MYO15A: variants seen among roughly 807,000 people sequenced by gnomAD.
MYO15A encodes the protein myosin XVA.
MYO15A carries 308 observed loss-of-function variants against 394.6 expected under a neutral mutation model. The ratio of observed to expected loss-of-function variants is 0.78; its 90% CI spans 0.71 to 0.86. The LOEUF (loss-of-function observed/expected upper bound fraction) is 0.86. MYO15A is among the 40% of genes least tolerant of loss of function. The pLI is 0.00. For synonymous variants in MYO15A, 1,957 were observed against 2,003.8 expected (o/e 0.98, Z 0.62); for missense variants, 4,606 against 4,799.1 (o/e 0.96, Z 1.19).
Position 18,120,994 on chromosome 17 carries a change from C to G in MYO15A, c.2194C>G (p.Pro732Ala). The G allele has an allele frequency of 6.7e-7, 1 of 1,503,698 alleles. No individual in the cohort carries two copies. The highest frequency in any genetic ancestry group is 8.8e-7 in the Non-Finnish European group (1 of 1,131,390). 93.1% of individuals were successfully genotyped at this position (1,503,698 alleles called of 1,614,324 possible). ...VEPPAVSPEV[P>A]PDLLAFPGPR... ...GCCCCCTGCCGTGAGCCCGGAGGTGCCCCCCGACCTACTAGCCTTCCCAGG... is the reference window on the plus strand; with the variant it reads ...GCCCCCTGCCGTGAGCCCGGAGGTGGCCCCCGACCTACTAGCCTTCCCAGG... The change falls in exon 2 of 66, where the codon CCC becomes GCC. Residue 732 changes from proline (P) to alanine (A), a missense_variant. Pro to Ala is a conservative substitution (Grantham distance 27, BLOSUM62 -1). Around this residue, in one of 2 missense-constraint regions of MYO15A, gnomAD observed 1,830 missense variants for 1,689.7 expected, o/e 1.08. Coordinates refer to ENST00000647165, the MANE Select transcript of MYO15A (RefSeq NM_016239.4).
Position 18,126,448 on chromosome 17 carries a change from G to C in MYO15A, c.3858G>C (p.Glu1286Asp), listed in dbSNP as rs779724124. 3 of 1,613,832 alleles carry C rather than the reference G, an allele frequency of 1.9e-6. No homozygotes were observed. Among genetic ancestry groups the C allele is most frequent in the Non-Finnish European group, 2.5e-6 (3 of 1,179,962 alleles). ...VQQYNGRALG[E>D]NPPHLFAVAN... is the part of the protein sequence containing the mutation. The stretch of plus-strand genomic sequence containing the variant: ...AGTACAACGGACGGGCCCTGGGAGA[G>C]AATCCCCCGTGAGTGTCTCGGGGGC... Residue 1286 changes from glutamate to aspartate, a missense_variant, in exon 5 of 66, where the codon GAG becomes GAC. By Grantham distance (45) the Glu-to-Asp change is conservative (BLOSUM62 2). Around this residue, in one of 2 missense-constraint regions of MYO15A, gnomAD observed 2,776 missense variants for 3,109.3 expected, o/e 0.89. Coordinates refer to ENST00000647165, the MANE Select transcript of MYO15A (RefSeq NM_016239.4).
In MYO15A at chr17:18,144,520, A is replaced by G; in HGVS notation, c.6201A>G (p.Thr2067=). 6.2e-7 allele frequency: 1 copy of G among 1,613,438 alleles called. No individual in the cohort carries two copies. ...AGGAACCTGCCTTTGGGATGCTGAC[A>G]GTGCCCCTGAGGACACCCCTCACGC... is the stretch of plus-strand genomic sequence containing the variant. ...HFKEPAFGML[T]VPLRTPLTQL... The change falls in exon 29 of 66, where the codon ACA becomes ACG. Residue 2067 remains threonine (T), a synonymous_variant. Coordinates refer to ENST00000647165, the MANE Select transcript of MYO15A (RefSeq NM_016239.4).
rs1482709090 is a variant in MYO15A at position 18,148,961 on chromosome 17, C to G, written c.6956+9C>G. 2 of 1,579,894 alleles carry G rather than the reference C, an allele frequency of 1.3e-6. No homozygotes were observed. Among genetic ancestry groups the G allele is most frequent in the East Asian group, 4.6e-5 (2 of 43,476 alleles). On this transcript the variant is annotated intron_variant, in intron 33 of 65. Transcript: ENST00000647165. The surrounding 1 kb of genome is among the most constrained non-coding windows in gnomAD (Gnocchi z 4.8). The stretch of plus-strand genomic sequence containing the variant: ...AGGGGAGGCCCCAAAGTGTAGGTAG[C>G]TATGGGGGACCCCCTCACAGATGGC...
rs555307333 is a variant in MYO15A, at chr17:18,166,528, A to T, written c.9948+7A>T. The T allele has an allele frequency of 6.2e-7, 1 of 1,612,060 alleles. No individual in the cohort carries two copies. Among genetic ancestry groups the T allele is most frequent in the Non-Finnish European group, 8.5e-7 (1 of 1,180,012 alleles). On this transcript the variant is annotated splice_region_variant and intron_variant, in intron 61 of 65. Coordinates refer to ENST00000647165, the MANE Select transcript of MYO15A (RefSeq NM_016239.4). ...GACCATGCACTACAACCAGGTCAGC[A>T]CACGTAGGCTTCTCTGGACTCTGGG...
intron 1 of MYO15A, among the ~76,000 whole-genome samples, chr17:18,114,241 CTTTTTTTT>C (rs10583154): frequency 1.4e-3 from 76 of 55,600 alleles, no homozygotes; most frequent in Admixed American, 2.7e-3. Context: ...ACAGTCCTGT[CTTTTTTTT>C]TTTTTTTTTT....
In MYO15A at chr17:18,155,117, C is replaced by G; in HGVS notation, c.8232C>G (p.Asn2744Lys). The change falls in exon 46 of 66, where the codon AAC (asparagine) becomes AAG (lysine). Residue 2744 changes from asparagine (N) to lysine (K), a missense_variant. This residue lies in a region of MYO15A where 2,776 missense variants were observed against 3,109.3 expected (regional missense o/e 0.89). Transcript: ENST00000647165. ...AGACCTGGCCTCCCATAGCCCAGAACCAGCTGGACACACAGAAGCCTCTGG... is the reference window on the plus strand; with the variant it reads ...AGACCTGGCCTCCCATAGCCCAGAAGCAGCTGGACACACAGAAGCCTCTGG... ...RLRMKALFAQ[N>K]QLDTQKPLVT... is the part of the protein sequence containing the mutation. 6.2e-7 allele frequency: 1 copy of G among 1,613,414 alleles called. No individual in the cohort carries two copies. Among genetic ancestry groups the G allele is most frequent in the Non-Finnish European group, 8.5e-7 (1 of 1,179,796 alleles).
chr17:18,144,417 C>G, intron 28 of MYO15A, 80 bp from the exon 29 acceptor site: 1 of 1,304,806 alleles, frequency 7.7e-7, no homozygotes, highest in Non-Finnish European at 1.1e-6. Flanking sequence ...GCCTTGGAGC[C>G]CCATGTGGCA....
chr17:18,120,418 C>A lies in MYO15A; in HGVS notation c.1618C>A (p.Arg540Ser). ...CTGGGGCTTCCTCACGCCGCGCCAG[C>A]GCAACCTCCAGCGCGCGCTGTCGGC... Reference protein sequence around the residue: ...PFWGFLTPRQRNLQRALSAFG... With the variant: ...PFWGFLTPRQSNLQRALSAFG... Residue 540 changes from arginine (R) to serine (S), a missense_variant, in exon 2 of 66, where the codon CGC (arginine) becomes AGC (serine). Around this residue, in one of 2 missense-constraint regions of MYO15A, gnomAD observed 1,830 missense variants for 1,689.7 expected, o/e 1.08. Coordinates refer to ENST00000647165, the MANE Select transcript of MYO15A (RefSeq NM_016239.4). 1 of 1,601,656 alleles carries A rather than the reference C, an allele frequency of 6.2e-7. No individual in the cohort carries two copies. Among genetic ancestry groups the A allele is most frequent in the Non-Finnish European group, 8.5e-7 (1 of 1,175,636 alleles).
rs1368423304 is a variant in MYO15A at position 18,137,588 on chromosome 17, T to C, written c.4784T>C (p.Leu1595Pro). The change falls in exon 16 of 66, where the codon CTG becomes CCG. Residue 1595 changes from leucine to proline, a missense_variant. By Grantham distance (98) the Leu-to-Pro change is moderately conservative. Transcript: ENST00000647165. ...GCACCCCCATCCACCTGGCAGGACC[T>C]GAGCTTCAACAGCTTTGAGCAGCTG... Reference protein sequence around the residue: ...AILDIYGFEDLSFNSFEQLCI... With the variant: ...AILDIYGFEDPSFNSFEQLCI... The C allele has an allele frequency of 6.2e-7, 1 of 1,613,624 alleles. No individual in the cohort carries two copies. The highest frequency in any genetic ancestry group is 8.5e-7 in the Non-Finnish European group (1 of 1,179,926).
Position 18,148,306 on chromosome 17 carries a change from G to A in MYO15A, c.6691+96G>A. On this transcript the variant is annotated intron_variant, in intron 31 of 65. Transcript: ENST00000647165. This position sits in a 1 kb window ranked among gnomAD's most constrained non-coding sequence, Gnocchi z 4.8. ...AGAAGCCACTGGATGTTCTGGAGCT[G>A]GGGAGGGGCCTTCTCAGATGTGGCT... The A allele has an allele frequency of 1.3e-6, 2 of 1,544,446 alleles. No homozygotes were observed. The highest frequency in any genetic ancestry group is 1.8e-6 in the Non-Finnish European group (2 of 1,137,926).
At position 18,141,105 on chromosome 17, in the gene MYO15A, A is replaced by T; in HGVS notation, c.5493A>T (p.Gly1831=). The stretch of plus-strand genomic sequence containing the variant: ...AGACCGTGAGGATCCGCAAGGAGGG[A>T]TTTCCAGTGCGCCTGCCTTTCCAGG... ...VLETVRIRKE[G]FPVRLPFQGF... Residue 1831 remains glycine (G), a synonymous_variant, in exon 22 of 66, where the codon GGA becomes GGT. Transcript: ENST00000647165. 1 of 1,613,934 alleles carries T rather than the reference A, an allele frequency of 6.2e-7. No homozygotes were observed. Among genetic ancestry groups the T allele is most frequent in the African/African-American group, 1.3e-5 (1 of 75,028 alleles).
chr17:18,162,115 C>T (rs144625730), intron 57 of MYO15A, among the ~76,000 whole-genome samples: 31 of 152,288 alleles, frequency 2.0e-4, no homozygotes, highest in African/African-American at 7.0e-4. Flanking sequence ...ATAAAAGCAG[C>T]AGAATGTGCC....
chr17:18,173,112 A>G (rs1433683603), intron 64 of MYO15A, among the ~76,000 whole-genome samples: 1 of 152,204 alleles, frequency 6.6e-6, no homozygotes, highest in African/African-American at 2.4e-5. Context: ...CCTGGAGGTC[A>G]GTCCAGCTGG....
In MYO15A at chr17:18,146,381, G is replaced by C. The variant is rs192263562; in HGVS notation, c.6509+274G>C. 2.6e-4 allele frequency among the ~76,000 whole-genome samples: 39 copies of C among 152,312 alleles called. No homozygotes were observed. In the East Asian group the frequency reaches 5.6e-3, roughly 22 times the overall value. ...ACCAGCATGTGGAGAATTTGGAAAA[G>C]AGCATTGACCTCTCACAGCATGAGA... On this transcript the variant is annotated intron_variant, in intron 30 of 65. Transcript: ENST00000647165.
intron 15 of MYO15A, 36 bp downstream of exon 15, chr17:18,136,722 T>C (rs1424544899): frequency 1.3e-6 from 2 of 1,562,198 alleles, no homozygotes; most frequent in East Asian, 2.3e-5. Flanking sequence ...GCGGGGGACA[T>C]AGGCAAGGTC....
Position 18,156,191 on chromosome 17 carries a change from C to T in MYO15A, c.8460-4C>T. On this transcript the variant is annotated splice_polypyrimidine_tract_variant and splice_region_variant and intron_variant, in intron 47 of 65. Transcript: ENST00000647165. Reference sequence around the variant, plus strand: ...GGGAGTCATGCCACCGGCCCATCCTCCAGCTTTGCAGATATCCTGTTTGTG... The same window carrying T: ...GGGAGTCATGCCACCGGCCCATCCTTCAGCTTTGCAGATATCCTGTTTGTG... 6.2e-7 allele frequency: 1 copy of T among 1,614,048 alleles called. No homozygotes were observed.
At chr17:18,110,633 CT>C (rs2045709293) in intron 1 of MYO15A, among the ~76,000 whole-genome samples, 1 of 152,238 alleles carries the variant, frequency 6.6e-6, no homozygotes, top group Admixed American at 6.5e-5. Flanking sequence ...AGCCCTTCAT[CT>C]ATGTGAGAAT....
In MYO15A at chr17:18,154,129, A is replaced by T. The variant is rs2046633983; in HGVS notation, c.8089-2A>T. 2 of 1,614,008 alleles carry T rather than the reference A, an allele frequency of 1.2e-6. No homozygotes were observed. Among genetic ancestry groups the T allele is most frequent in the Middle Eastern group, 1.6e-4 (1 of 6,062 alleles). ...GTACCCACTGAAGCCCCGCCCCTGC[A>T]GGTGTTTTACCCCAAGGACAGCTAC... On this transcript the variant is annotated splice_acceptor_variant, in intron 43 of 65. Transcript: ENST00000647165. LOFTEE classifies it high-confidence loss of function.
At chr17:18,131,621 A>G (rs2046168193) in intron 10 of MYO15A, 90 bp downstream of exon 10, 1 of 1,472,594 alleles carries the variant, frequency 6.8e-7, no homozygotes, top group Admixed American at 1.8e-5. Flanking sequence ...AGGGCTAGGT[A>G]GACGTCAAAT....
Sources: gnomAD v4.1 joint callset for allele counts (sites outside exome capture counted in the v4.1 genomes callset) on GRCh38, gnomAD v4.1.1 for gene constraint, gnomAD v4.1.1 regional missense constraint, Gnocchi (gnomAD v3.1) non-coding constraint, MANE v1.5 for transcripts, NCBI Gene and HGNC (gene_info 2026-07-23, HGNC 2026-07-21) for gene names.